The following CBL variants were observed in gnomAD, a reference collection of about 807,000 sequenced individuals.
The protein encoded by CBL is Cbl proto-oncogene, also known as E3 ubiquitin-protein ligase CBL.
Under a neutral mutation model 96.9 loss-of-function variants are expected in CBL, and 45 were observed. The ratio of observed to expected loss-of-function variants is 0.46; its 90% confidence interval spans 0.37 to 0.60. The LOEUF (loss-of-function observed/expected upper bound fraction) is 0.60. Ranked by LOEUF, CBL falls within the 20% of genes least tolerant of loss-of-function variation. CBL has a pLI of 0.00. For synonymous variants in CBL, 420 were observed against 426.8 expected (o/e 0.98, Z 0.20); for missense variants, 1,024 against 1,143.5 (o/e 0.90, Z 1.51).
chr11:119,281,042 C>G (rs139243462), intron 9 of CBL, among the ~76,000 whole-genome samples: 6 of 152,196 alleles, frequency 3.9e-5, no homozygotes, highest in Admixed American at 1.3e-4. Context: ...CAAACATCCT[C>G]TCAATATAGT....
chr11:119,219,203 C>T (rs977227374), intron 1 of CBL, among the ~76,000 whole-genome samples: 4 of 151,888 alleles, frequency 2.6e-5, no homozygotes, highest in African/African-American at 9.7e-5. Flanking sequence ...CATGGTGATA[C>T]CCTGTCTCTA....
intron 12 of CBL, among the ~76,000 whole-genome samples, chr11:119,295,744 C>T (rs1312036289): frequency 2.0e-5 from 3 of 152,050 alleles, no homozygotes; most frequent in South Asian, 4.1e-4. Context: ...GTCCTCCCGC[C>T]ATCTCATTTT....
chr11:119,219,407 T>A (rs970258845), intron 1 of CBL, among the ~76,000 whole-genome samples: 1 of 150,234 alleles, frequency 6.7e-6, no homozygotes, highest in Non-Finnish European at 1.5e-5. Context: ...AAGAAAGAAA[T>A]CATACTAGGC....
At chr11:119,254,330 T>C (rs1386271226) in intron 2 of CBL, among the ~76,000 whole-genome samples, 1 of 152,250 alleles carries the variant, frequency 6.6e-6, no homozygotes, top group Non-Finnish European at 1.5e-5. Flanking sequence ...AGTGCAACCA[T>C]GTATTGCTAA....
chr11:119,306,724 A>G lies in CBL; in HGVS notation c.*6943A>G, dbSNP rs1458295093. On this transcript the variant is annotated 3_prime_UTR_variant, in exon 16 of 16. Coordinates refer to ENST00000264033, the MANE Select transcript of CBL (RefSeq NM_005188.4). ...TCTGGGTGAGTGAGCCTGCAACGCA[A>G]TGCCCATGAGAGTAAATGCCTCCTG... The G allele has an allele frequency of 1.2e-5, 3 of 249,438 alleles. No homozygotes were observed. The highest frequency in any genetic ancestry group is 2.3e-5 in the Non-Finnish European group (3 of 129,236). The allele number at this position is 249,438 out of a possible 1,614,324, so 15.5% of individuals were successfully genotyped here.
intron 1 of CBL, among the ~76,000 whole-genome samples, chr11:119,217,972 G>A (rs1409627224): frequency 6.6e-6 from 1 of 152,112 alleles, no homozygotes; most frequent in African/African-American, 2.4e-5. Flanking sequence ...AGATACTCAG[G>A]AGGCTGAGGT....
chr11:119,283,094 C>A (rs987309781), intron 9 of CBL, among the ~76,000 whole-genome samples: 1 of 152,122 alleles, frequency 6.6e-6, no homozygotes, highest in African/African-American at 2.4e-5. Context: ...GACCCTGTCT[C>A]CCATAAATAA....
chr11:119,238,238 A>G (rs1302487258), intron 2 of CBL, among the ~76,000 whole-genome samples: 2 of 134,012 alleles, frequency 1.5e-5, no homozygotes, highest in Non-Finnish European at 3.2e-5. Context: ...TTTTTTTTTA[A>G]TAGATAGAGT....
In CBL at chr11:119,305,457, G is replaced by A. The variant is rs1950128785; in HGVS notation, c.*5676G>A. On this transcript the variant is annotated 3_prime_UTR_variant, in exon 16 of 16. Transcript: ENST00000264033. ...GGGTCCTCTTCAGGTTTGAGTGCTT[G>A]AAAATGTTCATTCTCTGGGCTTGTG... is the stretch of plus-strand genomic sequence containing the variant. The A allele has an allele frequency of 4.3e-6, 1 of 230,772 alleles. No individual in the cohort carries two copies. Among genetic ancestry groups the A allele is most frequent in the Non-Finnish European group, 8.6e-6 (1 of 116,622 alleles). 14.3% of individuals were successfully genotyped at this position (230,772 alleles called of 1,614,324 possible).
intron 2 of CBL, among the ~76,000 whole-genome samples, chr11:119,244,839 A>G (rs1373543114): frequency 6.6e-6 from 1 of 151,992 alleles, no homozygotes; most frequent in Non-Finnish European, 1.5e-5. Flanking sequence ...GGTGTGAGCC[A>G]GCATGGTTGG....
chr11:119,263,354 G>C (rs944028364), intron 2 of CBL, among the ~76,000 whole-genome samples: 10 of 152,158 alleles, frequency 6.6e-5, no homozygotes, highest in Admixed American at 6.5e-4. Flanking sequence ...GTCTGTTTTA[G>C]GATTAATTTG....
intron 11 of CBL, 42 bp from the exon 12 acceptor site, chr11:119,287,810 T>C (rs1187544437): frequency 8.2e-7 from 1 of 1,226,488 alleles, no homozygotes; most frequent in African/African-American, 1.5e-5. Context: ...GGCTCAGCTG[T>C]GGTAAGAAAG....
intron 13 of CBL, 46 bp from the exon 14 acceptor site, chr11:119,297,338 C>T (rs1950071105): frequency 1.5e-6 from 2 of 1,358,780 alleles, no homozygotes; most frequent in Non-Finnish European, 2.1e-6. Context: ...TTATAGATAA[C>T]AGTTCTATTT....
rs766785320 is a variant in CBL at position 119,285,101 on chromosome 11, G to A, written c.1563+1G>A. The A allele has an allele frequency of 1.3e-5, 21 of 1,614,000 alleles. 1 individual carries two copies. The South Asian group carries it at 1.6e-4, about 13-fold the overall frequency. On this transcript the variant is annotated splice_donor_variant, in intron 10 of 15. Transcript: ENST00000264033. LOFTEE classifies it high-confidence loss of function. Reference sequence around the variant, plus strand: ...TTCTGCTCTTGGAACTGCTTCTAAGGTAAAGCATTTTCCATTACTGCAGTT... The same window carrying A: ...TTCTGCTCTTGGAACTGCTTCTAAGATAAAGCATTTTCCATTACTGCAGTT...
intron 12 of CBL, among the ~76,000 whole-genome samples, chr11:119,295,047 A>G (rs1950054674): frequency 6.6e-6 from 1 of 152,192 alleles, no homozygotes. Context: ...GTGGAATCTC[A>G]GTTTGTAAAA....
At chr11:119,295,569 AT>A (rs894217939) in intron 12 of CBL, among the ~76,000 whole-genome samples, 7 of 151,516 alleles carry the variant, frequency 4.6e-5, no homozygotes, top group African/African-American at 1.7e-4. Flanking sequence ...AAAAAAAAAA[AT>A]TTTTTTTAAT....
chr11:119,247,559 C>T (rs1949641508), intron 2 of CBL, among the ~76,000 whole-genome samples: 1 of 152,166 alleles, frequency 6.6e-6, no homozygotes, highest in Non-Finnish European at 1.5e-5. Flanking sequence ...GCCTGTGATC[C>T]CAGCACTATG....
chr11:119,293,757 GTTTA>G (rs1321246794), intron 12 of CBL, among the ~76,000 whole-genome samples: 1 of 152,182 alleles, frequency 6.6e-6, no homozygotes, highest in East Asian at 1.9e-4. Context: ...AAGAAAAGAA[GTTTA>G]TTTAGCCCAC....
chr11:119,206,489 C>A lies in CBL; in HGVS notation c.72C>A (p.Gly24=). The change falls in exon 1 of 16, where the codon GGC becomes GGA. Residue 24 remains glycine (G), a synonymous_variant. Coordinates refer to ENST00000264033, the MANE Select transcript of CBL (RefSeq NM_005188.4). The part of the protein sequence containing the change: ...GSGSGGSGSG[G]LIGLMKDAFQ... ...GCTCCGGGGGCTCGGGTTCGGGTGG[C>A]CTGATTGGGCTCATGAAGGACGCCT... The A allele has an allele frequency of 1.9e-6, 3 of 1,571,138 alleles. No homozygotes were observed. Among genetic ancestry groups the A allele is most frequent in the Non-Finnish European group, 2.6e-6 (3 of 1,161,036 alleles).
Sources: gnomAD v4.1 joint callset for allele counts (sites outside exome capture counted in the v4.1 genomes callset) on GRCh38, gnomAD v4.1.1 for gene constraint, MANE v1.5 for transcripts, NCBI Gene and HGNC (gene_info 2026-07-23, HGNC 2026-07-21) for gene names.